The following DYNC1I1 variants were observed in gnomAD, a reference collection of about 807,000 sequenced individuals.
DYNC1I1 encodes cytoplasmic dynein 1 intermediate chain 1.
A neutral mutation model predicts 86.6 loss-of-function variants in DYNC1I1; 43 were observed. That is an observed-to-expected ratio of 0.50 (90% CI 0.39 to 0.64). The LOEUF is 0.64. Ranked by LOEUF, DYNC1I1 falls within the 30% of genes least tolerant of loss-of-function variation. The pLI is 0.00. For synonymous variants in DYNC1I1, 262 were observed against 283.7 expected, an observed-to-expected ratio of 0.92 and a Z score of 0.77; for missense variants, 604 against 788.8, an observed-to-expected ratio of 0.77 and a Z score of 2.81.
chr7:96,104,711 A>G (rs1791189244), intron 16 of DYNC1I1, among the ~76,000 whole-genome samples: 1 of 152,120 alleles, frequency 6.6e-6, no homozygotes, highest in Non-Finnish European at 1.5e-5. Context: ...TGGGTCCTCT[A>G]TTCTGTTTCA....
chr7:96,085,703 A>T (rs903567739), intron 16 of DYNC1I1, among the ~76,000 whole-genome samples: 2 of 152,170 alleles, frequency 1.3e-5, no homozygotes, highest in Non-Finnish European at 2.9e-5. Context: ...TTGTGCCTTC[A>T]AAAGTTACTT....
chr7:95,846,627 C>CTCTGTGTGTGTGTG (rs1470021957), intron 5 of DYNC1I1, among the ~76,000 whole-genome samples: 1 of 136,484 alleles, frequency 7.3e-6, no homozygotes, highest in Non-Finnish European at 1.6e-5. Flanking sequence ...ATCTCTCTCT[C>CTCTGTGTGTGTGTG]TGTGTGTGTG....
intron 2 of DYNC1I1, among the ~76,000 whole-genome samples, chr7:95,806,900 T>C (rs1794713825): frequency 6.6e-6 from 1 of 152,178 alleles, no homozygotes; most frequent in Non-Finnish European, 1.5e-5. Context: ...ACAGTGATTA[T>C]GCACAGGGGC....
intron 6 of DYNC1I1, among the ~76,000 whole-genome samples, chr7:95,941,041 G>A (rs1792199060): frequency 6.6e-6 from 1 of 152,242 alleles, no homozygotes; most frequent in Non-Finnish European, 1.5e-5. Flanking sequence ...CTACAGGTCT[G>A]TTGGAGTTTG....
At chr7:96,071,528 C>T (rs1334577272) in intron 14 of DYNC1I1, among the ~76,000 whole-genome samples, 2 of 152,104 alleles carry the variant, frequency 1.3e-5, no homozygotes, top group African/African-American at 4.8e-5. Context: ...AATTATAGTC[C>T]CTCACCCAGA....
chr7:96,012,570 A>C (rs947333325), intron 10 of DYNC1I1, among the ~76,000 whole-genome samples: 3 of 152,180 alleles, frequency 2.0e-5, no homozygotes, highest in African/African-American at 7.2e-5. Context: ...GTACATTTTT[A>C]AAGCCAAAAC....
chr7:95,956,945 C>T (rs1323499871), intron 6 of DYNC1I1, among the ~76,000 whole-genome samples: 5 of 152,154 alleles, frequency 3.3e-5, no homozygotes, highest in Admixed American at 6.5e-5. Context: ...TAACACGATA[C>T]CAAATCACTG....
chr7:95,941,277 G>T (rs561757729), intron 6 of DYNC1I1, among the ~76,000 whole-genome samples: 14 of 152,126 alleles, frequency 9.2e-5, no homozygotes, highest in African/African-American at 3.4e-4. Context: ...GAGGCAGTCT[G>T]CCCGTTCTCA....
At chr7:95,863,207 A>G (rs1343114819) in intron 5 of DYNC1I1, among the ~76,000 whole-genome samples, 1 of 152,238 alleles carries the variant, frequency 6.6e-6, no homozygotes, top group African/African-American at 2.4e-5. Context: ...ACATAATGAT[A>G]CATGCTACAA....
At chr7:96,008,274 G>T (rs964020761) in intron 10 of DYNC1I1, among the ~76,000 whole-genome samples, 5 of 152,110 alleles carry the variant, frequency 3.3e-5, no homozygotes, top group African/African-American at 1.2e-4. Flanking sequence ...TGAGAAGAGA[G>T]ATGCAAAGTT....
At chr7:96,047,901 C>A (rs549019530) in intron 14 of DYNC1I1, among the ~76,000 whole-genome samples, 5 of 152,126 alleles carry the variant, frequency 3.3e-5, no homozygotes, top group East Asian at 3.9e-4. Context: ...AAAGAAAAAA[C>A]CAGAGGAAGA....
At chr7:95,851,014 A>G (rs1789563120) in intron 5 of DYNC1I1, among the ~76,000 whole-genome samples, 1 of 152,000 alleles carries the variant, frequency 6.6e-6, no homozygotes, top group Non-Finnish European at 1.5e-5. Context: ...TTGTGAATGC[A>G]GCCCACTGCA....
intron 14 of DYNC1I1, among the ~76,000 whole-genome samples, chr7:96,065,366 T>A (rs1789938936): frequency 7.1e-6 from 1 of 141,032 alleles, no homozygotes; most frequent in African/African-American, 2.7e-5. Context: ...TCTTTTCTTT[T>A]TTTCTTTCTT....
chr7:96,013,905 C>T (rs566551015), intron 10 of DYNC1I1, among the ~76,000 whole-genome samples: 1 of 152,202 alleles, frequency 6.6e-6, no homozygotes, highest in South Asian at 2.1e-4. Flanking sequence ...GAAATTAAGC[C>T]CAACAGAATT....
chr7:95,987,259 C>A, intron 9 of DYNC1I1, 104 bp downstream of exon 9: 3 of 1,023,752 alleles, frequency 2.9e-6, no homozygotes, highest in Non-Finnish European at 4.4e-6. Context: ...CCTCTCTATG[C>A]CTGTTGGTTT....
chr7:95,875,271 AAAAGAAAAAAAAGGGAGGT>A (rs1458870559), intron 6 of DYNC1I1, among the ~76,000 whole-genome samples: 1 of 152,188 alleles, frequency 6.6e-6, no homozygotes, highest in East Asian at 1.9e-4. Context: ...TGGTGTAAGA[AAAAGAAAAAAAAGGGAGGT>A]AAAGAGAAAA....
intron 6 of DYNC1I1, among the ~76,000 whole-genome samples, chr7:95,896,753 A>G (rs568357723): frequency 3.3e-5 from 5 of 152,230 alleles, no homozygotes; most frequent in East Asian, 3.9e-4. Context: ...ACTCTAAAAT[A>G]TTGTTTCTAC....
intron 9 of DYNC1I1, among the ~76,000 whole-genome samples, chr7:95,990,022 A>G (rs975031030): frequency 1.3e-5 from 2 of 152,300 alleles, no homozygotes; most frequent in African/African-American, 4.8e-5. Context: ...CCTGAATGTA[A>G]CAGAATAGAA....
chr7:95,803,844 A>G (rs1476212233), intron 1 of DYNC1I1, among the ~76,000 whole-genome samples: 1 of 152,182 alleles, frequency 6.6e-6, no homozygotes, highest in Non-Finnish European at 1.5e-5. Context: ...AAAAGACTCA[A>G]ATATATAATC....
Sources: allele counts gnomAD v4.1 joint callset (sites outside exome capture counted in the v4.1 genomes callset), GRCh38; gene constraint gnomAD v4.1.1; transcripts MANE v1.5; gene names NCBI Gene and HGNC (gene_info 2026-07-23, HGNC 2026-07-21).